RSBN1L: variants seen among roughly 807,000 people sequenced by gnomAD.
RSBN1L encodes lysine-specific demethylase RSBN1L.
Under a neutral mutation model 67.7 loss-of-function variants are expected in RSBN1L, and 30 were observed. The observed-to-expected ratio is 0.44, with a 90% CI of 0.33 to 0.60. RSBN1L has a LOEUF of 0.60. Ranked by LOEUF, RSBN1L falls within the 20% of genes least tolerant of loss-of-function variation. The probability of loss-of-function intolerance (pLI) is 0.02; values close to 1 mark genes in which losing one functional copy is unlikely to be tolerated. For missense variants in RSBN1L, 992 were observed against 1,031.7 expected, an observed-to-expected ratio of 0.96 and a Z score of 0.53; for synonymous variants, 433 against 387.0, an observed-to-expected ratio of 1.12 and a Z score of -1.39.
chr7:77,708,481 A>C (rs1790924838), intron 1 of RSBN1L, among the ~76,000 whole-genome samples: 1 of 151,288 alleles, frequency 6.6e-6, no homozygotes, highest in Admixed American at 6.6e-5. Context: ...TCCTGGGTTC[A>C]TGCCATTCTC....
intron 3 of RSBN1L, among the ~76,000 whole-genome samples, chr7:77,752,584 C>T (rs1339300345): frequency 1.3e-5 from 2 of 152,148 alleles, no homozygotes; most frequent in African/African-American, 4.8e-5. Context: ...GGAGTCCTCC[C>T]AGTTAAAGCT....
intron 1 of RSBN1L, among the ~76,000 whole-genome samples, chr7:77,711,421 C>T (rs1025768280): frequency 3.3e-5 from 5 of 150,628 alleles, no homozygotes; most frequent in Admixed American, 1.3e-4. Flanking sequence ...CCCACTGTAA[C>T]GTCGAACTCC....
intron 1 of RSBN1L, among the ~76,000 whole-genome samples, chr7:77,729,338 A>C (rs923677577): frequency 3.3e-5 from 5 of 152,182 alleles, no homozygotes; most frequent in African/African-American, 4.8e-5. Context: ...ACAGAAATGA[A>C]GGCAGTGTCC....
At chr7:77,735,065 AC>A (rs1562800524) in intron 1 of RSBN1L, among the ~76,000 whole-genome samples, 3 of 151,912 alleles carry the variant, frequency 2.0e-5, no homozygotes, top group East Asian at 3.9e-4. Flanking sequence ...AAAAAAAAAA[AC>A]AAAAAACACT....
rs766845131 is a variant in RSBN1L, at chr7:77,773,143, A to G, written c.1626-4A>G. The G allele has an allele frequency of 1.8e-5, 28 of 1,543,026 alleles. No individual in the cohort carries two copies. The African/African-American group carries it at 3.0e-4, about 17-fold the overall frequency. The stretch of plus-strand genomic sequence containing the variant: ...AAATGTAATTTTCTTTTTTTAAAAA[A>G]CAGAACTACCAATGAAATAAAAAAT... On this transcript the variant is annotated splice_polypyrimidine_tract_variant and splice_region_variant and intron_variant, in intron 5 of 7. Coordinates refer to ENST00000334955, the MANE Select transcript of RSBN1L (RefSeq NM_198467.3).
Position 77,779,244 on chromosome 7 carries a change from C to T in RSBN1L, c.*76C>T. ...AGATTCATGAATTCTGAAAGCAAGC[C>T]AAGGACTTGCTCCTATGTCTGTTAC... On this transcript the variant is annotated 3_prime_UTR_variant, in exon 8 of 8. Transcript: ENST00000334955. 9.9e-7 allele frequency: 1 copy of T among 1,014,566 alleles called. No individual in the cohort carries two copies. The highest frequency in any genetic ancestry group is 1.4e-6 in the Non-Finnish European group (1 of 698,282). 62.8% of individuals were successfully genotyped at this position (1,014,566 alleles called of 1,614,324 possible). A position where few individuals can be genotyped will look rare whatever the true frequency, so the allele number is the denominator to read the frequency against.
At chr7:77,770,415 C>T (rs1252880022) in intron 5 of RSBN1L, among the ~76,000 whole-genome samples, 1 of 151,944 alleles carries the variant, frequency 6.6e-6, no homozygotes, top group Non-Finnish European at 1.5e-5. Context: ...TGCAGTGGCT[C>T]TTTCATGTAA....
chr7:77,753,607 TTAATG>T, intron 3 of RSBN1L, among the ~76,000 whole-genome samples: 1 of 152,342 alleles, frequency 6.6e-6, no homozygotes, highest in South Asian at 2.1e-4. Flanking sequence ...GTTCCTAAGT[TTAATG>T]TAATCTAATT....
At chr7:77,703,919 A>G (rs1790854377) in intron 1 of RSBN1L, among the ~76,000 whole-genome samples, 3 of 152,142 alleles carry the variant, frequency 2.0e-5, no homozygotes, top group Admixed American at 6.6e-5. Flanking sequence ...CCTCCCCAGT[A>G]GCTAGGACTA....
At chr7:77,770,932 C>CTTTTG (rs1423391467) in intron 5 of RSBN1L, among the ~76,000 whole-genome samples, 2 of 151,956 alleles carry the variant, frequency 1.3e-5, no homozygotes, top group Admixed American at 6.6e-5. Context: ...AGATTATAGC[C>CTTTTG]TTTTGTTTTG....
intron 1 of RSBN1L, among the ~76,000 whole-genome samples, chr7:77,728,617 T>C (rs1791236825): frequency 6.6e-6 from 1 of 152,246 alleles, no homozygotes; most frequent in Non-Finnish European, 1.5e-5. Flanking sequence ...GGGCTGTCTC[T>C]AGCTGCCTTC....
At chr7:77,758,659 G>A (rs1584298981) in intron 3 of RSBN1L, among the ~76,000 whole-genome samples, 2 of 152,188 alleles carry the variant, frequency 1.3e-5, no homozygotes, top group East Asian at 3.8e-4. Context: ...ACATTGCACA[G>A]GAGTGAGCAT....
intron 3 of RSBN1L, among the ~76,000 whole-genome samples, chr7:77,761,412 A>G (rs564525360): frequency 7.0e-4 from 106 of 152,302 alleles, no homozygotes; most frequent in Non-Finnish European, 6.0e-4. Flanking sequence ...TTTAATCCTT[A>G]TCTGTTACCT....
intron 3 of RSBN1L, among the ~76,000 whole-genome samples, chr7:77,760,916 G>A (rs567129950): frequency 2.1e-4 from 32 of 152,320 alleles, no homozygotes; most frequent in Non-Finnish European, 3.4e-4. Flanking sequence ...GATTACAGGC[G>A]TGACGCCTGG....
intron 2 of RSBN1L, among the ~76,000 whole-genome samples, chr7:77,738,597 A>G (rs1232408838): frequency 6.6e-6 from 1 of 152,204 alleles, no homozygotes; most frequent in East Asian, 1.9e-4. Context: ...CTGAGTAGTA[A>G]ATAGTTATGA....
chr7:77,722,755 A>G (rs1562797452), intron 1 of RSBN1L, among the ~76,000 whole-genome samples: 1 of 151,790 alleles, frequency 6.6e-6, no homozygotes, highest in Admixed American at 6.6e-5. Flanking sequence ...CCTGGAAGGA[A>G]TAATGTAAGA....
chr7:77,707,566 T>C (rs1361080068), intron 1 of RSBN1L, among the ~76,000 whole-genome samples: 1 of 152,216 alleles, frequency 6.6e-6, no homozygotes, highest in Non-Finnish European at 1.5e-5. Flanking sequence ...TGGTTTGTCA[T>C]TGGAGCAATG....
Position 77,722,456 on chromosome 7 carries a change from A to T in RSBN1L, c.587-13954A>T, listed in dbSNP as rs1791132375. 2.0e-5 allele frequency among the ~76,000 whole-genome samples: 3 copies of T among 152,102 alleles called. No individual in the cohort carries two copies. The South Asian group carries it at 6.2e-4, about 32-fold the overall frequency. ...ATTTTGAGAAGGAATTGATACTGTT[A>T]TGTTGCAGTGAGGTCCACGGAAAAA... On this transcript the variant is annotated intron_variant, in intron 1 of 7. Coordinates refer to ENST00000334955, the MANE Select transcript of RSBN1L (RefSeq NM_198467.3).
intron 3 of RSBN1L, among the ~76,000 whole-genome samples, chr7:77,757,350 A>G (rs117578662): frequency 0.012 from 1,868 of 152,316 alleles, 16 homozygotes; most frequent in Middle Eastern, 0.034. Context: ...AGGTTGCCTG[A>G]AAGGTTTGAA....
Sources: gnomAD v4.1 joint callset for allele counts (sites outside exome capture counted in the v4.1 genomes callset) on GRCh38, gnomAD v4.1.1 for gene constraint, MANE v1.5 for transcripts, NCBI Gene and HGNC (gene_info 2026-07-23, HGNC 2026-07-21) for gene names.